The following PCDH15 variants were observed in gnomAD, a reference collection of about 807,000 sequenced individuals.
PCDH15 encodes protocadherin related 15.
In PCDH15, 129 loss-of-function variants were observed where a neutral mutation model predicts 178.5. The ratio of observed to expected loss-of-function variants is 0.72; its 90% CI spans 0.63 to 0.84. The LOEUF (loss-of-function observed/expected upper bound fraction) is 0.84, where lower values mean the gene tolerates loss of function less well. Ranked by LOEUF, PCDH15 falls within the 40% of genes least tolerant of loss-of-function variation. PCDH15 has a pLI of 0.00. For missense variants in PCDH15, 2,230 were observed against 2,099.9 expected (o/e 1.06, Z -1.21); for synonymous variants, 800 against 732.0 (o/e 1.09, Z -1.50).
chr10:54,528,529 T>C, intron 2 of PCDH15: 2 of 635,934 alleles, frequency 3.1e-6, no homozygotes, highest in South Asian at 3.0e-5. Context: ...TACAATAACA[T>C]TATCTAATGA....
At chr10:54,190,697 C>T (rs927595336) in intron 11 of PCDH15, among the ~76,000 whole-genome samples, 1 of 152,210 alleles carries the variant, frequency 6.6e-6, no homozygotes, top group Non-Finnish European at 1.5e-5. Context: ...AGCCACCACA[C>T]CCAGCCAAGA....
chr10:54,048,082 C>T (rs2093691882), intron 18 of PCDH15, among the ~76,000 whole-genome samples: 1 of 152,072 alleles, frequency 6.6e-6, no homozygotes, highest in African/African-American at 2.4e-5. Flanking sequence ...TATCTTTTGA[C>T]TTTTTAATAA....
At chr10:55,155,488 C>CAAAAAAA (rs33986131) in intron 2 of PCDH15, among the ~76,000 whole-genome samples, 1 of 116,044 alleles carries the variant, frequency 8.6e-6, no homozygotes. Context: ...GCAACCAATG[C>CAAAAAAA]AAAAAAAAAA....
At chr10:54,642,947 G>C (rs2135008357) in intron 2 of PCDH15, among the ~76,000 whole-genome samples, 1 of 152,278 alleles carries the variant, frequency 6.6e-6, no homozygotes, top group Non-Finnish European at 1.5e-5. Context: ...TTTTGGGACA[G>C]AATCTCGCTC....
intron 2 of PCDH15, among the ~76,000 whole-genome samples, chr10:54,919,936 C>T (rs1398029596): frequency 6.6e-6 from 1 of 151,854 alleles, no homozygotes; most frequent in Non-Finnish European, 1.5e-5. Flanking sequence ...CATTCTGCTT[C>T]TTGTCATCAC....
intron 3 of PCDH15, among the ~76,000 whole-genome samples, chr10:54,406,914 C>A (rs535695121): frequency 2.6e-4 from 39 of 151,978 alleles, no homozygotes; most frequent in Non-Finnish European, 5.3e-4. Flanking sequence ...AAATTTAAAA[C>A]TTTTATTCTT....
At chr10:53,848,455 T>A (rs1483712958) in intron 28 of PCDH15, among the ~76,000 whole-genome samples, 2 of 152,038 alleles carry the variant, frequency 1.3e-5, no homozygotes, top group African/African-American at 4.8e-5. Flanking sequence ...CTGAACTGAA[T>A]GATATTTGAG....
intron 5 of PCDH15, among the ~76,000 whole-genome samples, chr10:54,351,337 A>G (rs1054689427): frequency 2.0e-5 from 3 of 152,192 alleles, no homozygotes; most frequent in Non-Finnish European, 2.9e-5. Flanking sequence ...AAATGTATGC[A>G]AAAACAGAGT....
Position 54,092,981 on chromosome 10 carries a change from G to C in PCDH15, c.1918-2918C>G, listed in dbSNP as rs1260383071. On this transcript the variant is annotated intron_variant, in intron 15 of 37. Transcript: ENST00000644397. ...AAGAAATGCATTCTGAAACAAGATA[G>C]CTTCATGTAAACAATTTTAAGACCA... Among the ~76,000 whole-genome samples, 3 of 152,064 alleles carry C rather than the reference G, an allele frequency of 2.0e-5. No individual in the cohort carries two copies. In the East Asian group the frequency reaches 5.8e-4, roughly 29 times the overall value.
intron 3 of PCDH15, among the ~76,000 whole-genome samples, chr10:54,881,001 G>A (rs1250610320): frequency 1.3e-5 from 2 of 151,854 alleles, no homozygotes; most frequent in Non-Finnish European, 2.9e-5. Flanking sequence ...TTACATCTGA[G>A]ATAAAATTTC....
Position 53,919,664 on chromosome 10 carries a change from T to TA in PCDH15, c.3374-16295_3374-16294insT, listed in dbSNP as rs200493566. On this transcript the variant is annotated intron_variant, in intron 25 of 37. Transcript: ENST00000644397. The stretch of plus-strand genomic sequence containing the variant: ...CGTAACAACATATAGATGTAACTAT[T>TA]TCACTTTATGGCCTTAAATTTGAGT... 2.2e-3 allele frequency among the ~76,000 whole-genome samples: 335 copies of TA among 152,272 alleles called. 2 individuals are homozygous for TA. The highest frequency in any genetic ancestry group is 7.4e-3 in the African/African-American group (306 of 41,564).
chr10:53,878,219 T>TATATATATATATATATATATTCTAC (rs2080389548), intron 26 of PCDH15, among the ~76,000 whole-genome samples: 5 of 16,416 alleles, frequency 3.0e-4, no homozygotes, highest in African/African-American at 7.5e-4. Context: ...ACTTTGAATA[T>TATATATATATATATATATATTCTAC]ATATATATAT....
chr10:54,371,081 A>T (rs1390224927), intron 4 of PCDH15, among the ~76,000 whole-genome samples: 1 of 151,864 alleles, frequency 6.6e-6, no homozygotes, highest in East Asian at 1.9e-4. Flanking sequence ...GAATGTTACA[A>T]ACCTTGGAAG....
intron 30 of PCDH15, 75 bp downstream of exon 30, chr10:53,831,235 CGCAAA>C: frequency 7.7e-7 from 1 of 1,299,914 alleles, no homozygotes; most frequent in South Asian, 1.2e-5. Context: ...TATTTTACAA[CGCAAA>C]GCCATGTTAC....
At chr10:54,263,127 C>T (rs533513064) in intron 8 of PCDH15, among the ~76,000 whole-genome samples, 1 of 152,248 alleles carries the variant, frequency 6.6e-6, no homozygotes, top group African/African-American at 2.4e-5. Flanking sequence ...CAACTCATAC[C>T]TAAGTTGTGT....
chr10:55,218,275 C>G (rs1194210427), intron 1 of PCDH15, among the ~76,000 whole-genome samples: 1 of 151,958 alleles, frequency 6.6e-6, no homozygotes, highest in Non-Finnish European at 1.5e-5. Context: ...TCCTCCACAC[C>G]ACATTTCCTC....
intron 20 of PCDH15, among the ~76,000 whole-genome samples, chr10:54,017,334 T>C (rs796952405): frequency 1.4e-4 from 22 of 152,250 alleles, no homozygotes; most frequent in African/African-American, 5.3e-4. Context: ...CAAGATATAA[T>C]ATGTATTTAT....
intron 2 of PCDH15, among the ~76,000 whole-genome samples, chr10:54,939,700 C>T (rs1838010015): frequency 6.6e-6 from 1 of 151,890 alleles, no homozygotes; most frequent in Non-Finnish European, 1.5e-5. Flanking sequence ...ATGTGTTGGT[C>T]ACAGTTCTGG....
chr10:54,351,741 G>C (rs891133279), intron 5 of PCDH15, among the ~76,000 whole-genome samples: 1 of 152,068 alleles, frequency 6.6e-6, no homozygotes, highest in African/African-American at 2.4e-5. Flanking sequence ...GCAGCTCACT[G>C]TCAAAAAACC....
Sources: gnomAD v4.1 joint callset for allele counts (sites outside exome capture counted in the v4.1 genomes callset) on GRCh38, gnomAD v4.1.1 for gene constraint, MANE v1.5 for transcripts, NCBI Gene and HGNC (gene_info 2026-07-23, HGNC 2026-07-21) for gene names.